CD247: variants seen among roughly 807,000 people sequenced by gnomAD.
CD247 encodes the protein CD247 molecule.
A neutral mutation model predicts 30.0 loss-of-function variants in CD247; 13 were observed. The ratio of observed to expected loss-of-function variants is 0.43; its 90% CI spans 0.28 to 0.69. The LOEUF is 0.69. Ranked by LOEUF, CD247 falls within the 30% of genes least tolerant of loss-of-function variation. The probability of loss-of-function intolerance (pLI) is 0.16; values close to 1 mark genes in which losing one functional copy is unlikely to be tolerated. For synonymous variants in CD247, 72 were observed against 80.0 expected, an observed-to-expected ratio of 0.90 and a Z score of 0.53; for missense variants, 193 against 212.6, an observed-to-expected ratio of 0.91 and a Z score of 0.57.
intron 1 of CD247, among the ~76,000 whole-genome samples, chr1:167,470,000 G>C (rs761154517): frequency 6.6e-6 from 1 of 151,918 alleles, no homozygotes; most frequent in East Asian, 1.9e-4. Flanking sequence ...GGCAACCTCC[G>C]CCTCCCAGGC....
intron 1 of CD247, among the ~76,000 whole-genome samples, chr1:167,443,526 T>G (rs1191737460): frequency 6.6e-6 from 1 of 152,196 alleles, no homozygotes; most frequent in African/African-American, 2.4e-5. Flanking sequence ...ATGGGACTGG[T>G]TGAGACTCAG....
At position 167,433,133 on chromosome 1, in the gene CD247, C is replaced by A; in HGVS notation, c.394-74G>T. 1.4e-5 allele frequency: 21 copies of A among 1,494,956 alleles called. No individual in the cohort carries two copies. The South Asian group carries it at 2.3e-4, about 16-fold the overall frequency. 92.6% of individuals were successfully genotyped at this position (1,494,956 alleles called of 1,614,324 possible). ...CAGTAGTGGCATTTCTGCTCAAGGG[C>A]CCCTCCCAAGGTACCCAGGAAGTCA... On this transcript the variant is annotated intron_variant, in intron 6 of 7. Transcript: ENST00000362089.
chr1:167,463,387 C>T (rs1354038611), intron 1 of CD247, among the ~76,000 whole-genome samples: 1 of 152,192 alleles, frequency 6.6e-6, no homozygotes, highest in East Asian at 1.9e-4. Context: ...TCCCTTCTGA[C>T]TTCAAATACC....
intron 1 of CD247, among the ~76,000 whole-genome samples, chr1:167,445,562 G>A (rs1360676496): frequency 2.6e-5 from 4 of 151,636 alleles, no homozygotes. Context: ...AAAAAGCCCT[G>A]AATTCAGGAA....
chr1:167,472,874 G>A (rs1207765193), intron 1 of CD247, among the ~76,000 whole-genome samples: 1 of 152,102 alleles, frequency 6.6e-6, no homozygotes, highest in Non-Finnish European at 1.5e-5. Flanking sequence ...TGACCCCCAT[G>A]GCCTAGAGAG....
chr1:167,499,220 G>C (rs1217355404), intron 1 of CD247, among the ~76,000 whole-genome samples: 3 of 152,080 alleles, frequency 2.0e-5, no homozygotes, highest in African/African-American at 7.2e-5. Context: ...TCATCTAGTG[G>C]GTAGAGGTCA....
At chr1:167,463,491 T>G (rs1419935052) in intron 1 of CD247, among the ~76,000 whole-genome samples, 1 of 152,184 alleles carries the variant, frequency 6.6e-6, no homozygotes, top group Non-Finnish European at 1.5e-5. Context: ...ACACATACAC[T>G]TATTCACAAA....
intron 1 of CD247, among the ~76,000 whole-genome samples, chr1:167,471,587 T>A (rs1260694522): frequency 6.6e-6 from 1 of 152,178 alleles, no homozygotes; most frequent in African/African-American, 2.4e-5. Flanking sequence ...TGTGTGGTGA[T>A]GACTTTTGCT....
At chr1:167,485,881 G>A (rs147259085) in intron 1 of CD247, among the ~76,000 whole-genome samples, 1 of 152,290 alleles carries the variant, frequency 6.6e-6, no homozygotes, top group African/African-American at 2.4e-5. Flanking sequence ...TGTTGGGGGT[G>A]GGGAAAGAAA....
chr1:167,434,392 G>T, intron 5 of CD247: 1 of 434,098 alleles, frequency 2.3e-6, no homozygotes, highest in Non-Finnish European at 4.3e-6. Flanking sequence ...GGCAAAACAA[G>T]GGCTCACCTG....
chr1:167,510,065 T>A (rs1050665625), intron 1 of CD247, among the ~76,000 whole-genome samples: 3 of 152,172 alleles, frequency 2.0e-5, no homozygotes, highest in Non-Finnish European at 4.4e-5. Flanking sequence ...ATCTCTGACT[T>A]TCTGCTCACC....
chr1:167,462,367 A>G (rs530199001), intron 1 of CD247, among the ~76,000 whole-genome samples: 1 of 152,364 alleles, frequency 6.6e-6, no homozygotes, highest in South Asian at 2.1e-4. Context: ...CGATGAAGCC[A>G]GACCAGTGTG....
intron 1 of CD247, among the ~76,000 whole-genome samples, chr1:167,482,054 C>T (rs1328553995): frequency 6.6e-6 from 1 of 152,174 alleles, no homozygotes; most frequent in East Asian, 1.9e-4. Flanking sequence ...TCTTTTTACC[C>T]TCTGGACAAC....
intron 1 of CD247, among the ~76,000 whole-genome samples, chr1:167,496,449 G>C (rs1654693770): frequency 6.6e-6 from 1 of 152,222 alleles, no homozygotes; most frequent in Non-Finnish European, 1.5e-5. Context: ...GTCAGTACTT[G>C]AACCTGCCTG....
At chr1:167,507,065 T>A (rs1275116529) in intron 1 of CD247, among the ~76,000 whole-genome samples, 1 of 151,832 alleles carries the variant, frequency 6.6e-6, no homozygotes, top group Non-Finnish European at 1.5e-5. Context: ...CCCAGCTAAT[T>A]TTGTTGTTTG....
chr1:167,482,783 G>A (rs1654026125), intron 1 of CD247, among the ~76,000 whole-genome samples: 2 of 152,202 alleles, frequency 1.3e-5, no homozygotes, highest in Non-Finnish European at 1.5e-5. Flanking sequence ...CCTGGGAAGG[G>A]AAGATGAGGT....
At chr1:167,513,781 C>G (rs934527236) in intron 1 of CD247, among the ~76,000 whole-genome samples, 5 of 152,148 alleles carry the variant, frequency 3.3e-5, no homozygotes, top group African/African-American at 9.7e-5. Flanking sequence ...TTAGTTGAAT[C>G]ATATGAAATT....
At chr1:167,517,990 C>T (rs991066077) in intron 1 of CD247, among the ~76,000 whole-genome samples, 1 of 152,104 alleles carries the variant, frequency 6.6e-6, no homozygotes, top group African/African-American at 2.4e-5. Context: ...ACGGAGCCAG[C>T]CAGAGGGTGA....
chr1:167,481,243 C>A (rs1043988382), intron 1 of CD247, among the ~76,000 whole-genome samples: 2 of 152,086 alleles, frequency 1.3e-5, no homozygotes, highest in African/African-American at 2.4e-5. Flanking sequence ...GCTGAGATCA[C>A]GCCACTGCAC....
Sources: gnomAD v4.1 joint callset for allele counts (sites outside exome capture counted in the v4.1 genomes callset) on GRCh38, gnomAD v4.1.1 for gene constraint, MANE v1.5 for transcripts, NCBI Gene and HGNC (gene_info 2026-07-23, HGNC 2026-07-21) for gene names.